Variants in MECOM observed in about 807,000 individuals in gnomAD.
The protein encoded by MECOM is histone-lysine N-methyltransferase MECOM.
A neutral mutation model predicts 116.3 loss-of-function variants in MECOM; 13 were observed. The observed-to-expected ratio is 0.11, with a 90% CI of 0.07 to 0.18. The LOEUF (loss-of-function observed/expected upper bound fraction) is 0.18. Ranked by LOEUF, MECOM falls within the 10% of genes least tolerant of loss-of-function variation. The pLI is 1.00. For synonymous variants in MECOM, 528 were observed against 535.2 expected (o/e 0.99, Z 0.19); for missense variants, 1,299 against 1,509.0 (o/e 0.86, Z 2.31).
At chr3:169,406,234 T>C (rs530235486) in intron 1 of MECOM, among the ~76,000 whole-genome samples, 29 of 152,316 alleles carry the variant, frequency 1.9e-4, no homozygotes, top group African/African-American at 4.3e-4. Context: ...ATAAGAACAA[T>C]AGATTACGCT....
chr3:169,330,666 T>C (rs1722573068), intron 2 of MECOM, among the ~76,000 whole-genome samples: 1 of 152,130 alleles, frequency 6.6e-6, no homozygotes, highest in Non-Finnish European at 1.5e-5. Context: ...TTCTTGTGTT[T>C]TTTTATAAAC....
chr3:169,191,834 G>A (rs138996656), intron 2 of MECOM, among the ~76,000 whole-genome samples: 1 of 152,120 alleles, frequency 6.6e-6, no homozygotes, highest in African/African-American at 2.4e-5. Flanking sequence ...AATAAACAGA[G>A]GAGAAACATA....
intron 1 of MECOM, among the ~76,000 whole-genome samples, chr3:169,478,014 T>G (rs879753452): frequency 8.5e-5 from 13 of 152,320 alleles, no homozygotes; most frequent in Middle Eastern, 3.4e-3. Flanking sequence ...TTAAGGTGTA[T>G]TATTTGTCAG....
intron 1 of MECOM, among the ~76,000 whole-genome samples, chr3:169,590,233 G>A (rs1766250446): frequency 6.6e-6 from 1 of 152,200 alleles, no homozygotes; most frequent in Non-Finnish European, 1.5e-5. Context: ...CTACTGATTT[G>A]ATGAATAAGT....
intron 1 of MECOM, among the ~76,000 whole-genome samples, chr3:169,657,984 C>A (rs1206243790): frequency 6.6e-6 from 1 of 152,188 alleles, no homozygotes; most frequent in African/African-American, 2.4e-5. Context: ...CTCTGGTTTT[C>A]TGATCGATTT....
intron 2 of MECOM, among the ~76,000 whole-genome samples, chr3:169,195,997 C>T (rs1748366340): frequency 6.6e-6 from 1 of 152,048 alleles, no homozygotes; most frequent in African/African-American, 2.4e-5. Context: ...CCAATATGCT[C>T]TCTGGCTAAA....
At chr3:169,644,575 A>G (rs777455320) in intron 1 of MECOM, among the ~76,000 whole-genome samples, 1 of 152,030 alleles carries the variant, frequency 6.6e-6, no homozygotes, top group Non-Finnish European at 1.5e-5. Context: ...TTTATATTTT[A>G]TATTCATCTT....
chr3:169,111,459 G>C (rs930250013), intron 9 of MECOM, among the ~76,000 whole-genome samples: 1 of 152,062 alleles, frequency 6.6e-6, no homozygotes, highest in African/African-American at 2.4e-5. Context: ...CACAAAATAT[G>C]TGCTACATTC....
chr3:169,241,507 A>G (rs1305984745), intron 2 of MECOM, among the ~76,000 whole-genome samples: 1 of 152,160 alleles, frequency 6.6e-6, no homozygotes, highest in Non-Finnish European at 1.5e-5. Flanking sequence ...TGTTTATGGA[A>G]TGTACCTTAA....
intron 1 of MECOM, among the ~76,000 whole-genome samples, chr3:169,417,671 C>T (rs1455222755): frequency 2.4e-4 from 36 of 151,374 alleles, no homozygotes; most frequent in South Asian, 2.1e-4. Context: ...ATGTTTATTG[C>T]GGCACTATTC....
intron 2 of MECOM, among the ~76,000 whole-genome samples, chr3:169,155,793 T>TGGCCCTTCAACTGTGCTGAGGTA (rs1387722402): frequency 2.0e-5 from 3 of 152,150 alleles, no homozygotes; most frequent in Admixed American, 6.6e-5. Context: ...TAGAAGCTCT[T>TGGCCCTTCAACTGTGCTGAGGTA]GGCCCTTCAA....
intron 2 of MECOM, among the ~76,000 whole-genome samples, chr3:169,232,592 G>A (rs1248785294): frequency 6.6e-6 from 1 of 151,704 alleles, no homozygotes. Flanking sequence ...TGCAGAGGGA[G>A]TATAAGACAC....
chr3:169,238,833 A>G (rs1255344745), intron 2 of MECOM, among the ~76,000 whole-genome samples: 1 of 152,140 alleles, frequency 6.6e-6, no homozygotes, highest in Non-Finnish European at 1.5e-5. Flanking sequence ...ATGAATATAT[A>G]CATCCACTAT....
chr3:169,521,228 C>T (rs1181900866), intron 1 of MECOM, among the ~76,000 whole-genome samples: 1 of 152,120 alleles, frequency 6.6e-6, no homozygotes, highest in Non-Finnish European at 1.5e-5. Context: ...AGGACTATCT[C>T]TTCGTTCATA....
At chr3:169,306,627 G>A (rs1232855514) in intron 2 of MECOM, among the ~76,000 whole-genome samples, 2 of 152,230 alleles carry the variant, frequency 1.3e-5, no homozygotes, top group Non-Finnish European at 1.5e-5. Flanking sequence ...GTTGCAGTGA[G>A]CAGAGATCAT....
At chr3:169,231,972 A>T (rs1243740085) in intron 2 of MECOM, among the ~76,000 whole-genome samples, 3 of 152,100 alleles carry the variant, frequency 2.0e-5, no homozygotes, top group Admixed American at 6.6e-5. Flanking sequence ...CAAACATTTG[A>T]GACTGGATGA....
intron 1 of MECOM, among the ~76,000 whole-genome samples, chr3:169,430,518 A>G (rs1408787702): frequency 6.6e-6 from 1 of 152,206 alleles, no homozygotes; most frequent in African/African-American, 2.4e-5. Context: ...GGTAACAGAT[A>G]AAACAATTCC....
chr3:169,517,745 A>G (rs995781977), intron 1 of MECOM, among the ~76,000 whole-genome samples: 1 of 152,232 alleles, frequency 6.6e-6, no homozygotes, highest in Non-Finnish European at 1.5e-5. Flanking sequence ...GACCAGTGAA[A>G]GCCCAAGGAT....
chr3:169,616,432 G>A (rs1213491505), intron 1 of MECOM, among the ~76,000 whole-genome samples: 3 of 152,122 alleles, frequency 2.0e-5, no homozygotes, highest in African/African-American at 7.2e-5. Context: ...TGCAACCTCC[G>A]CCTCCTGGGT....
Sources: allele counts gnomAD v4.1 joint callset (sites outside exome capture counted in the v4.1 genomes callset), GRCh38; gene constraint gnomAD v4.1.1; transcripts MANE v1.5; gene names NCBI Gene and HGNC (gene_info 2026-07-23, HGNC 2026-07-21).